Variants in PCDHGA11 observed in about 807,000 individuals in gnomAD.
PCDHGA11 encodes protocadherin gamma subfamily A, 11, also known as protocadherin gamma-A11.
A neutral mutation model predicts 60.4 loss-of-function variants in PCDHGA11; 39 were observed. The ratio of observed to expected loss-of-function variants is 0.65; its 90% CI spans 0.50 to 0.84. The LOEUF is 0.84. Among genes scored for constraint, PCDHGA11 ranks in the 40% least tolerant of loss-of-function variants. The pLI, the probability that PCDHGA11 is intolerant of heterozygous loss-of-function variation, is 0.00. For missense variants in PCDHGA11, 1,165 were observed against 1,197.7 expected (o/e 0.97, Z 0.40); for synonymous variants, 533 against 510.3 (o/e 1.04, Z -0.60).
Position 141,490,876 on chromosome 5 carries a change from G to T in PCDHGA11, c.2434-3931G>T. On this transcript the variant is annotated intron_variant, in intron 1 of 3. Coordinates refer to ENST00000398587, the MANE Select transcript of PCDHGA11 (RefSeq NM_018914.3). The surrounding 1 kb of genome is among the most constrained non-coding windows in gnomAD (Gnocchi z 5.4). Reference sequence around the variant, plus strand: ...AGACTCCGGCTCTCCCCCATTGCATGCCAACACATCTCTGCATGTGTTTGT... The same window carrying T: ...AGACTCCGGCTCTCCCCCATTGCATTCCAACACATCTCTGCATGTGTTTGT... 6.2e-7 allele frequency: 1 copy of T among 1,613,840 alleles called. No homozygotes were observed. The highest frequency in any genetic ancestry group is 8.5e-7 in the Non-Finnish European group (1 of 1,179,894).
Position 141,505,566 on chromosome 5 carries a change from A to G in PCDHGA11, c.2581+85A>G, listed in dbSNP as rs1363426407. 1.4e-5 allele frequency: 22 copies of G among 1,599,886 alleles called. No individual in the cohort carries two copies. In the East Asian group the frequency reaches 4.7e-4, roughly 34 times the overall value. ...CACAGCCACCATGCCCACGGACTGGATGTCAAACCTGTGTAGTTTCTCCAG... is the reference window on the plus strand; with the variant it reads ...CACAGCCACCATGCCCACGGACTGGGTGTCAAACCTGTGTAGTTTCTCCAG... On this transcript the variant is annotated intron_variant, in intron 3 of 3. Coordinates refer to ENST00000398587, the MANE Select transcript of PCDHGA11 (RefSeq NM_018914.3).
chr5:141,445,576 G>A (rs1459010134), intron 1 of PCDHGA11, among the ~76,000 whole-genome samples: 1 of 152,158 alleles, frequency 6.6e-6, no homozygotes, highest in Non-Finnish European at 1.5e-5. Flanking sequence ...TTATAGTAGG[G>A]AAGCTTCGCC....
chr5:141,480,712 A>G (rs559266864), intron 1 of PCDHGA11, among the ~76,000 whole-genome samples: 13 of 152,306 alleles, frequency 8.5e-5, no homozygotes, highest in African/African-American at 2.9e-4. Context: ...CCGACAAATG[A>G]AAGCACAGTC....
chr5:141,433,408 A>T lies in PCDHGA11; in HGVS notation c.2433+9748A>T, dbSNP rs1052180455. On this transcript the variant is annotated intron_variant, in intron 1 of 3. Coordinates refer to ENST00000398587, the MANE Select transcript of PCDHGA11 (RefSeq NM_018914.3). Reference sequence around the variant, plus strand: ...CTATCTATCTATCTATCTATCTATTACTTTCTTGTACAGACAGGAGTCTCA... The same window carrying T: ...CTATCTATCTATCTATCTATCTATTTCTTTCTTGTACAGACAGGAGTCTCA... 4.2e-3 allele frequency among the ~76,000 whole-genome samples: 537 copies of T among 127,344 alleles called. 4 individuals carry two copies. The highest frequency in any genetic ancestry group is 0.015 in the African/African-American group (523 of 34,010). 83.5% of individuals were successfully genotyped at this position (127,344 alleles called of 152,430 possible). A position where few individuals can be genotyped will look rare whatever the true frequency, so the allele number is the denominator to read the frequency against.
Position 141,476,064 on chromosome 5 carries a change from C to T in PCDHGA11, c.2434-18743C>T, listed in dbSNP as rs1593605493. On this transcript the variant is annotated intron_variant, in intron 1 of 3. Transcript: ENST00000398587. The surrounding 1 kb of genome is among the most constrained non-coding windows in gnomAD (Gnocchi z 7.6). Reference sequence around the variant, plus strand: ...CGCTAACCCGCTGAAAGTTTCTCAGCGAAATCTCAGGGACGATCTGGACCC... The same window carrying T: ...CGCTAACCCGCTGAAAGTTTCTCAGTGAAATCTCAGGGACGATCTGGACCC... 2.0e-6 allele frequency: 3 copies of T among 1,510,080 alleles called. No homozygotes were observed. In the East Asian group the frequency reaches 6.8e-5, roughly 34 times the overall value. 93.5% of individuals were successfully genotyped at this position (1,510,080 alleles called of 1,614,324 possible). A position where few individuals can be genotyped will look rare whatever the true frequency, so the allele number is the denominator to read the frequency against.
chr5:141,476,190 C>T lies in PCDHGA11; in HGVS notation c.2434-18617C>T. On this transcript the variant is annotated intron_variant, in intron 1 of 3. Transcript: ENST00000398587. The surrounding 1 kb of genome is among the most constrained non-coding windows in gnomAD (Gnocchi z 7.6). ...GTGGGAGTTTTGCTTCTGCTTGGTG[C>T]CTTGAACAAGGCTTCCACGGTCATT... is the stretch of plus-strand genomic sequence containing the variant. 3.1e-6 allele frequency: 5 copies of T among 1,613,694 alleles called. No individual in the cohort carries two copies. The highest frequency in any genetic ancestry group is 4.2e-6 in the Non-Finnish European group (5 of 1,179,988).
intron 1 of PCDHGA11, chr5:141,478,480 G>C (rs1444434721): frequency 1.9e-6 from 3 of 1,613,564 alleles, no homozygotes; most frequent in South Asian, 2.2e-5. Flanking sequence ...GCCAGAACAC[G>C]CTGCGGAGCT....
chr5:141,487,622 C>T lies in PCDHGA11; in HGVS notation c.2434-7185C>T. Reference sequence around the variant, plus strand: ...TCTTCTCTATGGGCTAGAGGTGAGACCTTTGCAGGCTCAACAAATGCTTGA... The same window carrying T: ...TCTTCTCTATGGGCTAGAGGTGAGATCTTTGCAGGCTCAACAAATGCTTGA... On this transcript the variant is annotated intron_variant, in intron 1 of 3. Coordinates refer to ENST00000398587, the MANE Select transcript of PCDHGA11 (RefSeq NM_018914.3). This position sits in a 1 kb window ranked among gnomAD's most constrained non-coding sequence, Gnocchi z 5.0. 1.2e-6 allele frequency: 2 copies of T among 1,614,174 alleles called. No homozygotes were observed. Among genetic ancestry groups the T allele is most frequent in the South Asian group, 1.1e-5 (1 of 91,084 alleles).
At chr5:141,442,629 A>G (rs959326665) in intron 1 of PCDHGA11, among the ~76,000 whole-genome samples, 2 of 152,248 alleles carry the variant, frequency 1.3e-5, no homozygotes, top group African/African-American at 4.8e-5. Context: ...TTCTAGCAGC[A>G]AGACCAAAGG....
chr5:141,425,015 A>G (rs1285592254), intron 1 of PCDHGA11, among the ~76,000 whole-genome samples: 2 of 152,190 alleles, frequency 1.3e-5, no homozygotes, highest in East Asian at 3.8e-4. Context: ...TCATTTAGGA[A>G]TTTACCTTAT....
intron 1 of PCDHGA11, chr5:141,478,076 C>A: frequency 6.2e-7 from 1 of 1,614,106 alleles, no homozygotes. Context: ...CAATGGGGAG[C>A]CTTCGCTCTC....
chr5:141,508,550 G>T (rs1440375100), intron 3 of PCDHGA11, among the ~76,000 whole-genome samples: 3 of 152,138 alleles, frequency 2.0e-5, no homozygotes, highest in Non-Finnish European at 1.5e-5. Flanking sequence ...GGTGGGCGGG[G>T]GATGGCTTTG....
chr5:141,511,351 C>G lies in PCDHGA11; in HGVS notation c.*178C>G, dbSNP rs1190324197. On this transcript the variant is annotated 3_prime_UTR_variant, in exon 4 of 4. Coordinates refer to ENST00000398587, the MANE Select transcript of PCDHGA11 (RefSeq NM_018914.3). The stretch of plus-strand genomic sequence containing the variant: ...CCAGTCAGCACCTACCCCTTCCCCC[C>G]CAGGGGGTTGAATATGCAAAAGCAG... 6 of 1,386,432 alleles carry G rather than the reference C, an allele frequency of 4.3e-6. No individual in the cohort carries two copies. The highest frequency in any genetic ancestry group is 2.9e-5 in the African/African-American group (2 of 68,574). The allele number at this position is 1,386,432 out of a possible 1,614,324, so 85.9% of individuals were successfully genotyped here.
At chr5:141,464,131 G>C (rs982496493) in intron 1 of PCDHGA11, among the ~76,000 whole-genome samples, 19 of 152,056 alleles carry the variant, frequency 1.2e-4, no homozygotes, top group Admixed American at 2.0e-4. Flanking sequence ...TGGGTGTGGT[G>C]GTGGGCGCCT....
intron 1 of PCDHGA11, among the ~76,000 whole-genome samples, chr5:141,451,830 G>A (rs940668278): frequency 6.6e-5 from 10 of 151,238 alleles, no homozygotes; most frequent in East Asian, 1.9e-4. Flanking sequence ...ACAGTGAGCC[G>A]AGATCACACC....
In PCDHGA11 at chr5:141,423,513, G is replaced by C; in HGVS notation, c.2286G>C (p.Ala762=). ...QTYSHEVSLI[A]DSQKSHLIFP... ...ATTCCCACGAGGTCTCTCTCATTGC[G>C]GACTCGCAGAAGAGTCACCTGATTT... The change falls in exon 1 of 4, where the codon GCG becomes GCC. Residue 762 remains alanine, a synonymous_variant. Coordinates refer to ENST00000398587, the MANE Select transcript of PCDHGA11 (RefSeq NM_018914.3). 3 of 1,613,750 alleles carry C rather than the reference G, an allele frequency of 1.9e-6. No individual in the cohort carries two copies. Among genetic ancestry groups the C allele is most frequent in the Non-Finnish European group, 1.7e-6 (2 of 1,179,782 alleles).
rs1562142740 is a variant in PCDHGA11, at chr5:141,490,958, ACT to A, written c.2434-3847_2434-3846del. 1 of 1,613,728 alleles carries A rather than the reference ACT, an allele frequency of 6.2e-7. No homozygotes were observed. Among genetic ancestry groups the A allele is most frequent in the Non-Finnish European group, 8.5e-7 (1 of 1,179,830 alleles). On this transcript the variant is annotated intron_variant, in intron 1 of 3. Transcript: ENST00000398587. The surrounding 1 kb of genome is among the most constrained non-coding windows in gnomAD (Gnocchi z 5.4). Reference sequence around the variant, plus strand: ...CTGCACCCACGGCCAGACTGGGAACACTCAGCCCCCCAGCGTCTCCCTCGCTC... The same window carrying A: ...CTGCACCCACGGCCAGACTGGGAACACAGCCCCCCAGCGTCTCCCTCGCTC...
At chr5:141,460,425 G>A (rs953425058) in intron 1 of PCDHGA11, among the ~76,000 whole-genome samples, 3 of 152,114 alleles carry the variant, frequency 2.0e-5, no homozygotes. Flanking sequence ...TATGTATGGT[G>A]TATGGTGTGA....
chr5:141,505,143 C>G lies in PCDHGA11; in HGVS notation c.2493-250C>G, dbSNP rs578261428. ...CGCCACTGCACTCCAGCCTGGATGA[C>G]AGAGTAAGACCCTGTCTAAAACAAA... On this transcript the variant is annotated intron_variant, in intron 2 of 3. Coordinates refer to ENST00000398587, the MANE Select transcript of PCDHGA11 (RefSeq NM_018914.3). Among the ~76,000 whole-genome samples the G allele has an allele frequency of 3.3e-5, 5 of 152,290 alleles. No homozygotes were observed. The East Asian group carries it at 7.7e-4, about 24-fold the overall frequency.
Sources: allele counts gnomAD v4.1 joint callset (sites outside exome capture counted in the v4.1 genomes callset), GRCh38; gene constraint gnomAD v4.1.1; non-coding constraint Gnocchi (gnomAD v3.1); transcripts MANE v1.5; gene names NCBI Gene and HGNC (gene_info 2026-07-23, HGNC 2026-07-21).